The following PDK1 variants were observed in gnomAD, a reference collection of about 807,000 sequenced individuals.
PDK1 encodes [Pyruvate dehydrogenase (acetyl-transferring)] kinase isozyme 1, mitochondrial.
PDK1 carries 39 observed loss-of-function variants against 54.2 expected under a neutral mutation model. That is an observed-to-expected ratio of 0.72 (90% CI 0.56 to 0.94). The LOEUF is 0.94. Among genes scored for constraint, PDK1 ranks in the 40% least tolerant of loss-of-function variants. The pLI is 0.00. For missense variants in PDK1, 552 were observed against 566.0 expected (o/e 0.98, Z 0.25); for synonymous variants, 221 against 207.1 (o/e 1.07, Z -0.58).
the PDK1 span, among the ~76,000 whole-genome samples, chr2:172,715,560 G>C: frequency 4.6e-5 from 7 of 152,296 alleles, no homozygotes; most frequent in South Asian, 1.5e-3. Flanking sequence ...TTCTGTGAGA[G>C]ACTGTTCACA....
the PDK1 span, among the ~76,000 whole-genome samples, chr2:172,715,234 A>T: frequency 6.6e-6 from 1 of 152,138 alleles, no homozygotes. Flanking sequence ...AGGATTCCTG[A>T]TGGGTGAGAG....
the PDK1 span, among the ~76,000 whole-genome samples, chr2:172,678,142 C>T: frequency 6.6e-6 from 1 of 152,024 alleles, no homozygotes; most frequent in East Asian, 1.9e-4. Flanking sequence ...TGCACTCCAG[C>T]CTGGGTGACA....
the PDK1 span, among the ~76,000 whole-genome samples, chr2:172,693,119 C>T: frequency 6.6e-6 from 1 of 152,264 alleles, no homozygotes; most frequent in African/African-American, 2.4e-5. Context: ...TCTTCCCTTG[C>T]ACCAAGTTCT....
At chr2:172,686,340 C>T in the PDK1 span, among the ~76,000 whole-genome samples, 1 of 152,120 alleles carries the variant, frequency 6.6e-6, no homozygotes, top group Non-Finnish European at 1.5e-5. Context: ...CCAATCAGTG[C>T]TCTGTAAAAA....
chr2:172,574,079 C>A (rs1448610365), intron 8 of PDK1, among the ~76,000 whole-genome samples: 5 of 152,082 alleles, frequency 3.3e-5, no homozygotes, highest in Non-Finnish European at 7.4e-5. Flanking sequence ...ATATTTAGGT[C>A]TTCGATCCAT....
At chr2:172,622,543 G>C in the PDK1 span, among the ~76,000 whole-genome samples, 2 of 141,376 alleles carry the variant, frequency 1.4e-5, no homozygotes, top group African/African-American at 2.6e-5. Flanking sequence ...TGTGAGATAT[G>C]TTTATATCAT....
chr2:172,653,439 C>T, the PDK1 span, among the ~76,000 whole-genome samples: 1 of 152,064 alleles, frequency 6.6e-6, no homozygotes, highest in African/African-American at 2.4e-5. Flanking sequence ...TCCATCTCTA[C>T]TAAAAATACA....
intron 8 of PDK1, among the ~76,000 whole-genome samples, chr2:172,575,927 GTTTT>G (rs955643935): frequency 1.3e-5 from 2 of 151,984 alleles, no homozygotes; most frequent in Non-Finnish European, 2.9e-5. Flanking sequence ...GTTTGTGTGT[GTTTT>G]TTTGTTTGTT....
chr2:172,720,933 T>G, the PDK1 span, among the ~76,000 whole-genome samples: 4 of 152,126 alleles, frequency 2.6e-5, no homozygotes, highest in Non-Finnish European at 5.9e-5. Flanking sequence ...TCCCCCACCC[T>G]CACCCAGTCT....
At chr2:172,722,422 A>G in the PDK1 span, among the ~76,000 whole-genome samples, 1 of 152,252 alleles carries the variant, frequency 6.6e-6, no homozygotes, top group East Asian at 1.9e-4. Context: ...AGTTATCTGT[A>G]GGTCATTCAC....
rs568033347 is a variant in PDK1, at chr2:172,603,505, G to A, written c.*7536G>A. The A allele has an allele frequency of 6.6e-6, 1 of 152,364 alleles. No individual in the cohort carries two copies. Among genetic ancestry groups the A allele is most frequent in the East Asian group, 1.9e-4 (1 of 5,186 alleles). 9.4% of individuals were successfully genotyped at this position (152,364 alleles called of 1,614,324 possible). A position where few individuals can be genotyped will look rare whatever the true frequency, so the allele number is the denominator to read the frequency against. On this transcript the variant is annotated 3_prime_UTR_variant, in exon 11 of 11. Transcript: ENST00000282077. ...CCATTTCATGGGGAAGGTCATGGAA[G>A]ACGACAGCAAACTTGAGTGGTTAAT...
intron 7 of PDK1, among the ~76,000 whole-genome samples, chr2:172,570,174 T>G (rs530521435): frequency 2.2e-4 from 34 of 152,360 alleles, no homozygotes; most frequent in Admixed American, 2.2e-3. Flanking sequence ...TGATATTGTT[T>G]AAGGCTTCTG....
the PDK1 span, among the ~76,000 whole-genome samples, chr2:172,661,426 C>A: frequency 6.6e-6 from 1 of 152,148 alleles, no homozygotes; most frequent in Non-Finnish European, 1.5e-5. Context: ...TTATTTGGTG[C>A]CCGTCTGGGG....
intron 2 of PDK1, among the ~76,000 whole-genome samples, chr2:172,561,351 G>A (rs1688646345): frequency 6.6e-6 from 1 of 152,154 alleles, no homozygotes. Flanking sequence ...CCTTAACTTT[G>A]GAATGCAGTA....
At chr2:172,555,976 C>T (rs1011867762), upstream of PDK1, 6 of 431,840 alleles carry the variant, frequency 1.4e-5, no homozygotes, top group Admixed American at 2.7e-4. Flanking sequence ...CGCCTCCTTC[C>T]CGCTCCGCGT....
At chr2:172,702,067 C>A in the PDK1 span, among the ~76,000 whole-genome samples, 2 of 152,068 alleles carry the variant, frequency 1.3e-5, no homozygotes, top group South Asian at 4.1e-4. Context: ...AGGTTAGGGG[C>A]GCTGGTAATA....
At chr2:172,562,161 A>G in intron 2 of PDK1, 59 bp from the exon 3 acceptor site, 1 of 873,328 alleles carries the variant, frequency 1.1e-6, no homozygotes. Flanking sequence ...GCTAATTTTC[A>G]TGATATTGAA....
At chr2:172,632,437 A>G in the PDK1 span, among the ~76,000 whole-genome samples, 2 of 152,176 alleles carry the variant, frequency 1.3e-5, no homozygotes, top group Non-Finnish European at 2.9e-5. Context: ...AAAGAATTTT[A>G]GTGAGTTTTT....
chr2:172,603,020 C>T lies in PDK1; in HGVS notation c.*7051C>T, dbSNP rs1024416334. ...AGGTTAAATCTTTGTAAGCAATGCT[C>T]CTGATGCGAATCACCTGGAGATCTT... On this transcript the variant is annotated 3_prime_UTR_variant, in exon 11 of 11. Coordinates refer to ENST00000282077, the MANE Select transcript of PDK1 (RefSeq NM_002610.5). 6.6e-6 allele frequency: 1 copy of T among 152,184 alleles called. No homozygotes were observed. The highest frequency in any genetic ancestry group is 6.5e-5 in the Admixed American group (1 of 15,282). The allele number at this position is 152,184 out of a possible 1,614,324, so 9.4% of individuals were successfully genotyped here.
Sources: gnomAD v4.1 joint callset for allele counts (sites outside exome capture counted in the v4.1 genomes callset) on GRCh38, gnomAD v4.1.1 for gene constraint, MANE v1.5 for transcripts, NCBI Gene and HGNC (gene_info 2026-07-23, HGNC 2026-07-21) for gene names.